Variants in PSMA6 observed in about 807,000 individuals in gnomAD.
PSMA6 encodes proteasome 20S subunit alpha 6, also known as proteasome subunit alpha type-6.
For missense variants in PSMA6, 170 were observed against 294.8 expected, an observed-to-expected ratio of 0.58 and a Z score of 3.10; for synonymous variants, 88 against 97.7, an observed-to-expected ratio of 0.90 and a Z score of 0.59.
At chr14:35,291,108 T>C (rs1233044465), upstream of PSMA6, among the ~76,000 whole-genome samples, 1 of 150,240 alleles carries the variant, frequency 6.7e-6, no homozygotes, top group African/African-American at 2.5e-5. Flanking sequence ...CCTCCCACCT[T>C]AGCCCCCCGA....
At chr14:35,308,271 A>C in intron 2 of PSMA6, 183 bp downstream of exon 2, 3 of 617,140 alleles carry the variant, frequency 4.9e-6, no homozygotes, top group Non-Finnish European at 4.9e-6. Context: ...AAAATACAAA[A>C]TTAGTCAGGC....
intron 2 of PSMA6, 110 bp from the exon 3 acceptor site, chr14:35,308,804 G>C: frequency 2.7e-6 from 2 of 742,722 alleles, no homozygotes; most frequent in East Asian, 5.3e-5. Context: ...TGGTTCCATA[G>C]TATTGTTTTC....
At chr14:35,310,141 T>C (rs1213840446) in intron 3 of PSMA6, 1 of 411,586 alleles carries the variant, frequency 2.4e-6, no homozygotes, top group Non-Finnish European at 4.7e-6. Context: ...AATGAAAAAC[T>C]AATTTAAGCC....
At chr14:35,317,042 G>A in intron 6 of PSMA6, 1 of 486,550 alleles carries the variant, frequency 2.1e-6, no homozygotes, top group South Asian at 3.3e-5. Context: ...GTGTATAGGT[G>A]AAGGTGGTAT....
chr14:35,279,863 G>A (rs2051346171), intron 1 of PSMA6, among the ~76,000 whole-genome samples: 1 of 152,218 alleles, frequency 6.6e-6, no homozygotes, highest in East Asian at 1.9e-4. Context: ...GGTGGCTCAC[G>A]CCTGTAATCC....
At chr14:35,292,239 T>A (rs2051494667), upstream of PSMA6, 1 of 1,235,084 alleles carries the variant, frequency 8.1e-7, no homozygotes, top group Non-Finnish European at 1.0e-6. Flanking sequence ...GAGGCCTGCT[T>A]GGCGCAGGCG....
intron 6 of PSMA6, chr14:35,315,936 G>A (rs935584215): frequency 1.3e-5 from 2 of 152,112 alleles, no homozygotes; most frequent in African/African-American, 2.4e-5. Context: ...CATAGCATAA[G>A]CATCAACAAC....
At chr14:35,301,015 A>C (rs1050905558) in intron 1 of PSMA6, among the ~76,000 whole-genome samples, 1 of 152,210 alleles carries the variant, frequency 6.6e-6, no homozygotes, top group Non-Finnish European at 1.5e-5. Flanking sequence ...GAGATGACAG[A>C]TTAGTAGTGA....
chr14:35,313,487 G>A (rs139764030), intron 5 of PSMA6: 1 of 154,180 alleles, frequency 6.5e-6, no homozygotes, highest in African/African-American at 2.4e-5. Context: ...TTCTGAAGAT[G>A]CTAACAACAT....
upstream of PSMA6, among the ~76,000 whole-genome samples, chr14:35,287,609 G>C (rs961279279): frequency 8.5e-5 from 13 of 152,298 alleles, no homozygotes; most frequent in Admixed American, 7.2e-4. Context: ...CCCCAGGGGA[G>C]AATGTGGGCC....
chr14:35,313,125 T>C, intron 5 of PSMA6, 66 bp downstream of exon 5: 2 of 1,358,472 alleles, frequency 1.5e-6, no homozygotes, highest in Non-Finnish European at 2.0e-6. Context: ...TTTGTATAAT[T>C]TCTATACAAA....
chr14:35,283,868 A>G (rs1056159527), intron 1 of PSMA6, among the ~76,000 whole-genome samples: 3 of 152,178 alleles, frequency 2.0e-5, no homozygotes, highest in African/African-American at 7.2e-5. Flanking sequence ...CACCATGTCC[A>G]GCCTTTACAA....
At chr14:35,312,506 CA>C (rs200184285) in intron 4 of PSMA6, among the ~76,000 whole-genome samples, 2,171 of 99,790 alleles carry the variant, frequency 0.022, 5 homozygotes, top group African/African-American at 0.061. Context: ...GAGTCTGTCT[CA>C]AAAAAAAAAA....
upstream of PSMA6, among the ~76,000 whole-genome samples, chr14:35,289,501 TTTG>T (rs972854905): frequency 2.1e-4 from 32 of 151,896 alleles, no homozygotes; most frequent in Admixed American, 3.9e-4. Context: ...CATGGCTTTT[TTTG>T]TTGTTGTTGT....
At chr14:35,283,348 G>A (rs1442637322) in intron 1 of PSMA6, among the ~76,000 whole-genome samples, 1 of 145,322 alleles carries the variant, frequency 6.9e-6, no homozygotes, top group Non-Finnish European at 1.5e-5. Context: ...GCAACACAGG[G>A]AGACCCTATC....
At chr14:35,292,969 TA>T (rs1036493758) in intron 1 of PSMA6, 1 of 461,450 alleles carries the variant, frequency 2.2e-6, no homozygotes, top group African/African-American at 2.0e-5. Flanking sequence ...CTTCTGTGGT[TA>T]ATTCCACACA....
intron 1 of PSMA6, among the ~76,000 whole-genome samples, chr14:35,296,290 A>G (rs1400743769): frequency 1.3e-5 from 2 of 152,128 alleles, no homozygotes; most frequent in East Asian, 3.9e-4. Flanking sequence ...ATTGCCCGGT[A>G]TATATAGTAA....
upstream of PSMA6, chr14:35,292,316 T>C: frequency 1.4e-6 from 2 of 1,459,112 alleles, no homozygotes; most frequent in South Asian, 1.4e-5. Flanking sequence ...CAGAGCTCAG[T>C]GCTCGAACTG....
At chr14:35,300,604 G>A (rs1055134763) in intron 1 of PSMA6, among the ~76,000 whole-genome samples, 2 of 152,128 alleles carry the variant, frequency 1.3e-5, no homozygotes, top group African/African-American at 4.8e-5. Context: ...GGTCTCTTGA[G>A]CTTATTTTTC....
Sources: allele counts gnomAD v4.1 joint callset (sites outside exome capture counted in the v4.1 genomes callset), GRCh38; gene constraint gnomAD v4.1.1; transcripts MANE v1.5; gene names NCBI Gene and HGNC (gene_info 2026-07-23, HGNC 2026-07-21).